CADPS2: variants seen among roughly 807,000 people sequenced by gnomAD.
CADPS2 encodes the protein calcium dependent secretion activator 2.
A neutral mutation model predicts 172.5 loss-of-function variants in CADPS2; 93 were observed. The observed-to-expected ratio is 0.54, with a 90% CI of 0.46 to 0.64. The LOEUF (loss-of-function observed/expected upper bound fraction) is 0.64, where lower values mean the gene tolerates loss of function less well. CADPS2 is among the 30% of genes least tolerant of loss of function. The probability of loss-of-function intolerance (pLI) is 0.00; values close to 1 mark genes in which losing one functional copy is unlikely to be tolerated. For synonymous variants in CADPS2, 546 were observed against 555.2 expected (o/e 0.98, Z 0.23); for missense variants, 1,420 against 1,565.9 (o/e 0.91, Z 1.57).
chr7:122,578,865 G>A (rs2068413055), intron 7 of CADPS2, among the ~76,000 whole-genome samples: 1 of 152,054 alleles, frequency 6.6e-6, no homozygotes. Context: ...TAAATGGATG[G>A]ATTCAGAACA....
intron 8 of CADPS2, among the ~76,000 whole-genome samples, chr7:122,541,550 T>A (rs930184963): frequency 6.8e-6 from 1 of 146,962 alleles, no homozygotes; most frequent in Non-Finnish European, 1.5e-5. Context: ...AATTCCATTT[T>A]TCTGTAATGA....
chr7:122,519,393 C>T (rs1034724605), intron 8 of CADPS2, among the ~76,000 whole-genome samples: 8 of 152,040 alleles, frequency 5.3e-5, no homozygotes, highest in Non-Finnish European at 1.2e-4. Context: ...ACAACAACAA[C>T]AATTGCCTGC....
At chr7:122,560,123 T>G (rs560107339) in intron 7 of CADPS2, among the ~76,000 whole-genome samples, 78 of 152,222 alleles carry the variant, frequency 5.1e-4, no homozygotes, top group African/African-American at 1.8e-3. Flanking sequence ...GTTTGAGGAA[T>G]AGAATAAGAC....
chr7:122,497,791 T>A (rs1391204636), intron 9 of CADPS2, among the ~76,000 whole-genome samples: 1 of 152,214 alleles, frequency 6.6e-6, no homozygotes. Context: ...TATCTGAATA[T>A]TTGAAAATAT....
At chr7:122,645,681 A>ATATATCTCTCTCTC in intron 3 of CADPS2, among the ~76,000 whole-genome samples, 1 of 116,834 alleles carries the variant, frequency 8.6e-6, no homozygotes, top group East Asian at 2.9e-4. Context: ...ATATATATAT[A>ATATATCTCTCTCTC]TCTTGGGATT....
intron 7 of CADPS2, 70 bp downstream of exon 7, chr7:122,581,109 C>T: frequency 9.2e-7 from 1 of 1,082,428 alleles, no homozygotes; most frequent in Admixed American, 1.9e-5. Flanking sequence ...GCATACTGAT[C>T]TACCTTAATC....
chr7:122,512,748 CTT>C (rs111737124), intron 9 of CADPS2, among the ~76,000 whole-genome samples: 5,863 of 152,100 alleles, frequency 0.039, 166 homozygotes, highest in African/African-American at 0.064. Context: ...ATGTATTATG[CTT>C]TATATATAAA....
At chr7:122,375,216 T>G (rs1424355238) in intron 25 of CADPS2, among the ~76,000 whole-genome samples, 1 of 151,710 alleles carries the variant, frequency 6.6e-6, no homozygotes, top group Non-Finnish European at 1.5e-5. Flanking sequence ...AAAATTCATC[T>G]GGAACCACAA....
chr7:122,613,807 C>T (rs945038573), intron 6 of CADPS2, among the ~76,000 whole-genome samples: 1 of 151,386 alleles, frequency 6.6e-6, no homozygotes, highest in Non-Finnish European at 1.5e-5. Context: ...TAAGTTTAGT[C>T]GATTGAATTA....
chr7:122,829,720 G>A (rs1295996270), intron 1 of CADPS2, among the ~76,000 whole-genome samples: 1 of 151,506 alleles, frequency 6.6e-6, no homozygotes, highest in Admixed American at 6.6e-5. Flanking sequence ...AATTTGAAAG[G>A]TGTCTTTTAA....
At chr7:122,870,794 T>C (rs928271104) in intron 1 of CADPS2, among the ~76,000 whole-genome samples, 9 of 152,188 alleles carry the variant, frequency 5.9e-5, no homozygotes, top group African/African-American at 1.9e-4. Context: ...TCCATGTCTA[T>C]ATTCCAGTGT....
At chr7:122,706,565 T>A (rs1039597396) in intron 2 of CADPS2, among the ~76,000 whole-genome samples, 1 of 147,808 alleles carries the variant, frequency 6.8e-6, no homozygotes, top group African/African-American at 2.5e-5. Context: ...CTAACTCTTG[T>A]TAACAGCGAA....
intron 17 of CADPS2, among the ~76,000 whole-genome samples, chr7:122,427,823 A>G (rs1383355374): frequency 6.6e-6 from 1 of 152,044 alleles, no homozygotes; most frequent in African/African-American, 2.4e-5. Flanking sequence ...TAGAATTTTG[A>G]TGGATACTGC....
intron 8 of CADPS2, among the ~76,000 whole-genome samples, chr7:122,548,924 T>C (rs1000869485): frequency 3.9e-5 from 6 of 152,102 alleles, no homozygotes; most frequent in African/African-American, 1.4e-4. Context: ...CATATCTACA[T>C]CCATAATAGC....
rs73437705 is a variant in CADPS2 at position 122,702,715 on chromosome 7, A to G, written c.453+34240T>C. 3.4e-3 allele frequency: 5,555 copies of G among 1,611,044 alleles called. 24 individuals are homozygous for G. Among genetic ancestry groups the G allele is most frequent in the Middle Eastern group, 0.019 (113 of 6,046 alleles). On this transcript the variant is annotated intron_variant, in intron 2 of 29. Coordinates refer to ENST00000449022, the MANE Select transcript of CADPS2 (RefSeq NM_017954.11). ...GCCTCAAAAGTCCAGATGAAACAGA[A>G]CTATGCGTCGAAGGGGTAATTCTAA...
At chr7:122,722,112 T>C (rs2090489659) in intron 2 of CADPS2, among the ~76,000 whole-genome samples, 1 of 152,082 alleles carries the variant, frequency 6.6e-6, no homozygotes, top group South Asian at 2.1e-4. Flanking sequence ...ACTGGAAGCA[T>C]TCCCTTTGAA....
At chr7:122,352,189 C>T (rs904070541) in intron 27 of CADPS2, among the ~76,000 whole-genome samples, 1 of 152,186 alleles carries the variant, frequency 6.6e-6, no homozygotes, top group Non-Finnish European at 1.5e-5. Flanking sequence ...CTAATGTGTA[C>T]ACTACCTATG....
In CADPS2 at chr7:122,702,088, G is replaced by T. The variant is rs7790381; in HGVS notation, c.453+34867C>A. ...TCTTTATTTGACTTCGCCTCCTGGT[G>T]AAAGAATTGGGCACTCTAGGTGTAA... is the stretch of plus-strand genomic sequence containing the variant. On this transcript the variant is annotated intron_variant, in intron 2 of 29. Coordinates refer to ENST00000449022, the MANE Select transcript of CADPS2 (RefSeq NM_017954.11). 1.9e-6 allele frequency: 3 copies of T among 1,613,450 alleles called. No homozygotes were observed. The African/African-American group carries it at 4.0e-5, about 22-fold the overall frequency.
chr7:122,700,887 AAC>A (rs138919927), intron 2 of CADPS2, among the ~76,000 whole-genome samples: 2,022 of 152,278 alleles, frequency 0.013, 47 homozygotes, highest in African/African-American at 0.046. Context: ...AATAATTTAG[AAC>A]ACTTTTCCTT....
Sources: allele counts gnomAD v4.1 joint callset (sites outside exome capture counted in the v4.1 genomes callset), GRCh38; gene constraint gnomAD v4.1.1; transcripts MANE v1.5; gene names NCBI Gene and HGNC (gene_info 2026-07-23, HGNC 2026-07-21).